Variants in COG3 observed in about 807,000 individuals in gnomAD.
COG3 encodes the protein conserved oligomeric Golgi complex subunit 3.
In COG3, 32 loss-of-function variants were observed where a neutral mutation model predicts 114.1. The ratio of observed to expected loss-of-function variants is 0.28; its 90% confidence interval spans 0.21 to 0.38. COG3 has a LOEUF of 0.38. Among genes scored for constraint, COG3 ranks in the 10% least tolerant of loss-of-function variants. The pLI is 1.00. For synonymous variants in COG3, 352 were observed against 365.7 expected (o/e 0.96, Z 0.43); for missense variants, 813 against 973.2 (o/e 0.84, Z 2.19).
At chr13:45,517,124 ACTTTAT>A (rs1218646856) in intron 17 of COG3, among the ~76,000 whole-genome samples, 1 of 152,200 alleles carries the variant, frequency 6.6e-6, no homozygotes, top group Non-Finnish European at 1.5e-5. Context: ...ATTTATGTAA[ACTTTAT>A]CTTAAACATT....
intron 13 of COG3, among the ~76,000 whole-genome samples, chr13:45,498,973 C>T (rs1031105842): frequency 8.6e-5 from 13 of 152,044 alleles, no homozygotes; most frequent in African/African-American, 2.7e-4. Flanking sequence ...TCCAGACCTA[C>T]GGTCAGCTCT....
chr13:45,476,300 T>C lies in COG3; in HGVS notation c.274T>C (p.Phe92Leu). ...ESTEDILLKG[F>L]TSLGMEEERI... ...TACAGAAGACATTCTCTTGAAGGGCTTCACTTCCTTAGGAATGGAAGAAGA... is the reference window on the plus strand; with the variant it reads ...TACAGAAGACATTCTCTTGAAGGGCCTCACTTCCTTAGGAATGGAAGAAGA... Residue 92 changes from phenylalanine (F) to leucine (L), a missense_variant, in exon 2 of 23, where the codon TTC becomes CTC. By Grantham distance (22) the Phe-to-Leu change is conservative (BLOSUM62 0). This residue lies in a region of COG3 where 424 missense variants were observed against 430.6 expected (regional missense o/e 0.98). Coordinates refer to ENST00000349995, the MANE Select transcript of COG3 (RefSeq NM_031431.4). 1 of 1,614,076 alleles carries C rather than the reference T, an allele frequency of 6.2e-7. No homozygotes were observed.
chr13:45,475,015 G>T (rs947405562), intron 1 of COG3, among the ~76,000 whole-genome samples: 1 of 152,060 alleles, frequency 6.6e-6, no homozygotes, highest in Non-Finnish European at 1.5e-5. Flanking sequence ...AAGTACTGTA[G>T]GTCTAATATT....
At position 45,536,494 on chromosome 13, in the gene COG3, C is replaced by G. The variant is rs1397109533; in HGVS notation, c.*1763C>G. On this transcript the variant is annotated 3_prime_UTR_variant, in exon 23 of 23. Coordinates refer to ENST00000349995, the MANE Select transcript of COG3 (RefSeq NM_031431.4). ...AAATGATTATTTGTTTAAATCTGTA[C>G]AGTTTTAAGTGTTCACTTATACAAA... is the stretch of plus-strand genomic sequence containing the variant. 6.6e-6 allele frequency: 1 copy of G among 152,134 alleles called. No individual in the cohort carries two copies. The highest frequency in any genetic ancestry group is 1.5e-5 in the Non-Finnish European group (1 of 68,024). The allele number at this position is 152,134 out of a possible 1,614,324, so 9.4% of individuals were successfully genotyped here.
intron 17 of COG3, among the ~76,000 whole-genome samples, chr13:45,516,906 A>G (rs1251733053): frequency 6.6e-6 from 1 of 152,194 alleles, no homozygotes; most frequent in African/African-American, 2.4e-5. Context: ...AGTGGTATTA[A>G]ATCAGTAATC....
Position 45,471,754 on chromosome 13 carries a change from C to T in COG3, c.175-4447C>T, listed in dbSNP as rs150292989. Among the ~76,000 whole-genome samples, 123 of 150,188 alleles carry T rather than the reference C, an allele frequency of 8.2e-4. 3 individuals are homozygous for T. Among genetic ancestry groups the T allele is most frequent in the South Asian group, 4.4e-3 (21 of 4,740 alleles). On this transcript the variant is annotated intron_variant, in intron 1 of 22. Transcript: ENST00000349995. ...TTTTTTTTTGGTCTTTTTTTTGAGACGGAGTTTTGCTTTTGTAGCCCAGGC... is the reference window on the plus strand; with the variant it reads ...TTTTTTTTTGGTCTTTTTTTTGAGATGGAGTTTTGCTTTTGTAGCCCAGGC...
At chr13:45,534,568 A>T (rs569535525) in intron 22 of COG3, 134 bp from the exon 23 acceptor site, 73 of 494,518 alleles carry the variant, frequency 1.5e-4, no homozygotes, top group African/African-American at 1.4e-3. Flanking sequence ...GGGTACATAC[A>T]TGCAGGTTTG....
At chr13:45,474,199 C>T (rs1885709757) in intron 1 of COG3, among the ~76,000 whole-genome samples, 3 of 142,064 alleles carry the variant, frequency 2.1e-5, no homozygotes, top group Non-Finnish European at 4.5e-5. Context: ...GCTCTGTCGC[C>T]CAGGCTGGAG....
At chr13:45,465,402 C>T in intron 1 of COG3, 192 bp downstream of exon 1, 1 of 961,418 alleles carries the variant, frequency 1.0e-6, no homozygotes, top group Non-Finnish European at 1.5e-6. Context: ...GACCCCGACT[C>T]TAATTCTGCC....
chr13:45,525,011 C>T lies in COG3; in HGVS notation c.2190C>T (p.Gly730=). The change falls in exon 20 of 23, where the codon GGC becomes GGT. Residue 730 remains glycine, a synonymous_variant. Transcript: ENST00000349995. ...TAAAAACAATGGCCAGTCAGGGAGG[C>T]CCCAAGTATACTCTCTCACAGCAGC... The part of the protein sequence containing the change: ...SALKTMASQG[G]PKYTLSQQPW... 1 of 1,613,800 alleles carries T rather than the reference C, an allele frequency of 6.2e-7. No individual in the cohort carries two copies. Among genetic ancestry groups the T allele is most frequent in the Non-Finnish European group, 8.5e-7 (1 of 1,179,808 alleles).
intron 14 of COG3, 108 bp downstream of exon 14, chr13:45,503,457 G>C: frequency 1.6e-6 from 1 of 633,954 alleles, no homozygotes; most frequent in Non-Finnish European, 2.9e-6. Context: ...CCTTTGAGGA[G>C]CCCACACTTT....
intron 4 of COG3, 72 bp from the exon 5 acceptor site, chr13:45,481,153 TTAGTG>T: frequency 2.6e-6 from 2 of 769,104 alleles, no homozygotes; most frequent in Non-Finnish European, 4.5e-6. Flanking sequence ...GTAAATCTGT[TTAGTG>T]TAACTTTGAG....
chr13:45,492,021 A>G, intron 10 of COG3, 138 bp from the exon 11 acceptor site: 1 of 525,812 alleles, frequency 1.9e-6, no homozygotes, highest in Non-Finnish European at 3.4e-6. Context: ...TCGAAAACCA[A>G]CCATTTTCCG....
At chr13:45,511,689 A>C (rs898283741) in intron 15 of COG3, 76 bp from the exon 16 acceptor site, 1 of 1,057,146 alleles carries the variant, frequency 9.5e-7, no homozygotes. Flanking sequence ...TGTTATTTGC[A>C]CTTACAGCCT....
rs866015248 is a variant in COG3 at position 45,530,017 on chromosome 13, G to A, written c.2358+99G>A. ...TTTGCTGTAGACATTTAGAAATGTT[G>A]GTATACTGTTCTAGTGAAGTTGAAT... is the stretch of plus-strand genomic sequence containing the variant. On this transcript the variant is annotated intron_variant, in intron 21 of 22. Coordinates refer to ENST00000349995, the MANE Select transcript of COG3 (RefSeq NM_031431.4). 17 of 1,347,806 alleles carry A rather than the reference G, an allele frequency of 1.3e-5. 2 individuals carry two copies. In the Middle Eastern group the frequency reaches 2.5e-3, roughly 196 times the overall value. 83.5% of individuals were successfully genotyped at this position (1,347,806 alleles called of 1,614,324 possible).
In COG3 at chr13:45,535,265, C is replaced by T. The variant is rs969581227; in HGVS notation, c.*534C>T. On this transcript the variant is annotated 3_prime_UTR_variant, in exon 23 of 23. Transcript: ENST00000349995. ...AGTAGATTGGTTGCTTCTGAGAACACATTCTGCCTTCCTGGGAAGTCGGGG... is the reference window on the plus strand; with the variant it reads ...AGTAGATTGGTTGCTTCTGAGAACATATTCTGCCTTCCTGGGAAGTCGGGG... 1.4e-5 allele frequency: 14 copies of T among 985,330 alleles called. No individual in the cohort carries two copies. The highest frequency in any genetic ancestry group is 1.7e-5 in the Non-Finnish European group (14 of 829,964). 61.0% of individuals were successfully genotyped at this position (985,330 alleles called of 1,614,324 possible). A position where few individuals can be genotyped will look rare whatever the true frequency, so the allele number is the denominator to read the frequency against.
Position 45,492,168 on chromosome 13 carries a change from G to A in COG3, c.1105G>A (p.Gly369Ser). The A allele has an allele frequency of 3.1e-6, 5 of 1,603,000 alleles. No homozygotes were observed. The highest frequency in any genetic ancestry group is 4.3e-6 in the Non-Finnish European group (5 of 1,174,338). Reference protein sequence around the residue: ...NRDHCALVRSGCAFMVHVCQD... With the variant: ...NRDHCALVRSSCAFMVHVCQD... ...TGTTTGTTTACTGCAGGTTCGTAGT[G>A]GCTGTGCCTTCATGGTTCATGTCTG... The change falls in exon 11 of 23, where the codon GGC becomes AGC. Residue 369 changes from glycine to serine, a missense_variant. Around this residue, in one of 2 missense-constraint regions of COG3, gnomAD observed 389 missense variants for 542.6 expected, o/e 0.72. Transcript: ENST00000349995.
At position 45,501,827 on chromosome 13, in the gene COG3, G is replaced by T. The variant is rs534401422; in HGVS notation, c.1489-1417G>T. Among the ~76,000 whole-genome samples, 3 of 152,238 alleles carry T rather than the reference G, an allele frequency of 2.0e-5. No homozygotes were observed. In the South Asian group the frequency reaches 6.2e-4, roughly 32 times the overall value. On this transcript the variant is annotated intron_variant, in intron 13 of 22. Coordinates refer to ENST00000349995, the MANE Select transcript of COG3 (RefSeq NM_031431.4). ...TAGGTGGATAAATATGTAATAATAGGTATGTTCGTTTTAAAGTTAACAGGC... is the reference window on the plus strand; with the variant it reads ...TAGGTGGATAAATATGTAATAATAGTTATGTTCGTTTTAAAGTTAACAGGC...
intron 1 of COG3, among the ~76,000 whole-genome samples, chr13:45,466,948 T>G (rs893713138): frequency 1.1e-4 from 17 of 152,144 alleles, no homozygotes; most frequent in Admixed American, 1.1e-3. Flanking sequence ...ATCCTTAGCC[T>G]CATAGAGCTG....
Sources: allele counts gnomAD v4.1 joint callset (sites outside exome capture counted in the v4.1 genomes callset), GRCh38; gene constraint gnomAD v4.1.1; regional missense constraint gnomAD v4.1.1; transcripts MANE v1.5; gene names NCBI Gene and HGNC (gene_info 2026-07-23, HGNC 2026-07-21).